ARHGAP44: variants seen among roughly 807,000 people sequenced by gnomAD.
ARHGAP44 encodes rho GTPase-activating protein 44.
ARHGAP44 carries 43 observed loss-of-function variants against 106.8 expected under a neutral mutation model. The ratio of observed to expected loss-of-function variants is 0.40; its 90% CI spans 0.32 to 0.52. ARHGAP44 has a LOEUF of 0.52. Ranked by LOEUF, ARHGAP44 falls within the 20% of genes least tolerant of loss-of-function variation. The probability of loss-of-function intolerance (pLI) is 0.48; values close to 1 mark genes in which losing one functional copy is unlikely to be tolerated. For synonymous variants in ARHGAP44, 439 were observed against 410.3 expected (o/e 1.07, Z -0.85); for missense variants, 866 against 1,050.5 (o/e 0.82, Z 2.43).
At chr17:12,962,414 A>G (rs2039285149) in intron 16 of ARHGAP44, among the ~76,000 whole-genome samples, 1 of 152,242 alleles carries the variant, frequency 6.6e-6, no homozygotes, top group Admixed American at 6.5e-5. Context: ...CCACCAAAGA[A>G]AAATAGATCT....
At chr17:12,940,431 T>C (rs2038675764) in intron 7 of ARHGAP44, among the ~76,000 whole-genome samples, 2 of 152,220 alleles carry the variant, frequency 1.3e-5, no homozygotes, top group African/African-American at 4.8e-5. Context: ...CAGCATTGGG[T>C]CACCCAATCT....
Position 12,824,740 on chromosome 17 carries a change from A to T in ARHGAP44, c.53+34849A>T, listed in dbSNP as rs146156643. 9.9e-5 allele frequency among the ~76,000 whole-genome samples: 15 copies of T among 152,020 alleles called. No individual in the cohort carries two copies. In the East Asian group the frequency reaches 2.9e-3, roughly 30 times the overall value. On this transcript the variant is annotated intron_variant, in intron 1 of 20. Coordinates refer to ENST00000379672, the MANE Select transcript of ARHGAP44 (RefSeq NM_014859.6). ...TCTGAATATGTCCATCTAAGGTTCT[A>T]CACAGCCTGGCCTTAATGTACCTCG...
chr17:12,956,838 A>C, intron 15 of ARHGAP44, 92 bp downstream of exon 15: 7 of 1,066,146 alleles, frequency 6.6e-6, no homozygotes, highest in African/African-American at 1.6e-5. Flanking sequence ...ACCACTGCCC[A>C]CAGGCTTTTT....
At chr17:12,822,209 A>G (rs986436158) in intron 1 of ARHGAP44, among the ~76,000 whole-genome samples, 1 of 152,246 alleles carries the variant, frequency 6.6e-6, no homozygotes, top group Admixed American at 6.5e-5. Flanking sequence ...CATAGACAAT[A>G]TATAAATGAC....
chr17:12,856,124 C>G (rs150661777), intron 1 of ARHGAP44, among the ~76,000 whole-genome samples: 3 of 152,350 alleles, frequency 2.0e-5, no homozygotes, highest in African/African-American at 7.2e-5. Context: ...GGGGCCACAT[C>G]TCCTATTTTC....
At chr17:12,911,846 C>T (rs979194956) in intron 4 of ARHGAP44, among the ~76,000 whole-genome samples, 2 of 152,172 alleles carry the variant, frequency 1.3e-5, no homozygotes, top group East Asian at 1.9e-4. Context: ...ATGCAGCCCC[C>T]CAGGACTTTA....
At chr17:12,791,504 C>G (rs1438977251) in intron 1 of ARHGAP44, among the ~76,000 whole-genome samples, 1 of 152,188 alleles carries the variant, frequency 6.6e-6, no homozygotes, top group African/African-American at 2.4e-5. Context: ...GCTGGTTTCT[C>G]TTGGTCTTGG....
chr17:12,931,304 T>G (rs1420489329), intron 7 of ARHGAP44, among the ~76,000 whole-genome samples: 1 of 152,054 alleles, frequency 6.6e-6, no homozygotes, highest in African/African-American at 2.4e-5. Flanking sequence ...ACTCCTGACC[T>G]CAGGTGATCT....
chr17:12,978,031 CA>C (rs1272462395), intron 18 of ARHGAP44, among the ~76,000 whole-genome samples: 2 of 5,968 alleles, frequency 3.4e-4, no homozygotes, highest in African/African-American at 1.4e-3. Context: ...AGCAAGACTC[CA>C]TCTCAAAAAA....
chr17:12,919,954 A>C, intron 6 of ARHGAP44, 123 bp downstream of exon 6: 1 of 714,340 alleles, frequency 1.4e-6, no homozygotes, highest in Non-Finnish European at 2.3e-6. Flanking sequence ...CCTAACGTGT[A>C]CCAGGCACTG....
At chr17:12,944,247 G>A (rs891594457) in intron 10 of ARHGAP44, 51 bp downstream of exon 10, 7 of 1,537,662 alleles carry the variant, frequency 4.6e-6, no homozygotes, top group Non-Finnish European at 6.1e-6. Flanking sequence ...CCTCTTCCAC[G>A]AGACAGAGCT....
chr17:12,811,688 G>A (rs1432576656), intron 1 of ARHGAP44, among the ~76,000 whole-genome samples: 1 of 152,152 alleles, frequency 6.6e-6, no homozygotes, highest in Non-Finnish European at 1.5e-5. Flanking sequence ...TCAGCATTGA[G>A]TTGAATTTTA....
chr17:12,951,617 A>G (rs2038993675), intron 12 of ARHGAP44, among the ~76,000 whole-genome samples: 1 of 152,178 alleles, frequency 6.6e-6, no homozygotes. Context: ...GTGGGTCTCC[A>G]TTAAGAAATA....
At chr17:12,954,309 T>A (rs2039074644) in intron 13 of ARHGAP44, among the ~76,000 whole-genome samples, 1 of 152,196 alleles carries the variant, frequency 6.6e-6, no homozygotes, top group Non-Finnish European at 1.5e-5. Flanking sequence ...GCCACCAAAT[T>A]GTACGTCTAA....
intron 8 of ARHGAP44, 88 bp from the exon 9 acceptor site, chr17:12,943,500 A>AAATGCTTT: frequency 8.1e-7 from 1 of 1,238,682 alleles, no homozygotes; most frequent in East Asian, 2.4e-5. Context: ...CGCATGTGGA[A>AAATGCTTT]GCACCTTTCT....
At chr17:12,802,974 T>A (rs1158492579) in intron 1 of ARHGAP44, among the ~76,000 whole-genome samples, 2 of 90,834 alleles carry the variant, frequency 2.2e-5, no homozygotes, top group Non-Finnish European at 4.3e-5. Context: ...TATATATTTT[T>A]TTTTTTTTTT....
chr17:12,879,702 TACAC>T (rs151155255), intron 1 of ARHGAP44, among the ~76,000 whole-genome samples: 10 of 146,408 alleles, frequency 6.8e-5, no homozygotes, highest in African/African-American at 1.0e-4. Context: ...TATATACACA[TACAC>T]ACACACAGTT....
rs565505436 is a variant in ARHGAP44, at chr17:12,792,389, T to G, written c.53+2498T>G. Among the ~76,000 whole-genome samples the G allele has an allele frequency of 1.3e-3, 198 of 152,324 alleles. 1 individual carries two copies. Among genetic ancestry groups the G allele is most frequent in the African/African-American group, 4.3e-3 (177 of 41,566 alleles). ...AATCTATTGATTGCTGTTGTATGCC[T>G]GTGTAGATAGTGCAATGCCGTTTAG... On this transcript the variant is annotated intron_variant, in intron 1 of 20. Coordinates refer to ENST00000379672, the MANE Select transcript of ARHGAP44 (RefSeq NM_014859.6).
intron 4 of ARHGAP44, among the ~76,000 whole-genome samples, chr17:12,914,123 G>A (rs2037830667): frequency 6.6e-6 from 1 of 152,040 alleles, no homozygotes; most frequent in African/African-American, 2.4e-5. Flanking sequence ...CAAATAAATA[G>A]ATCCTAATAC....
Sources: allele counts gnomAD v4.1 joint callset (sites outside exome capture counted in the v4.1 genomes callset), GRCh38; gene constraint gnomAD v4.1.1; transcripts MANE v1.5; gene names NCBI Gene and HGNC (gene_info 2026-07-23, HGNC 2026-07-21).